The following MAP4K5 variants were observed in gnomAD, a reference collection of about 807,000 sequenced individuals.
MAP4K5 encodes the protein mitogen-activated protein kinase kinase kinase kinase 5.
A neutral mutation model predicts 135.6 loss-of-function variants in MAP4K5; 82 were observed. The ratio of observed to expected loss-of-function variants is 0.60; its 90% CI spans 0.51 to 0.73. The LOEUF is 0.73. Ranked by LOEUF, MAP4K5 falls within the 30% of genes least tolerant of loss-of-function variation. The probability of loss-of-function intolerance (pLI) is 0.00; values close to 1 mark genes in which losing one functional copy is unlikely to be tolerated. For synonymous variants in MAP4K5, 347 were observed against 335.0 expected, an observed-to-expected ratio of 1.04 and a Z score of -0.39; for missense variants, 907 against 1,010.9, an observed-to-expected ratio of 0.90 and a Z score of 1.39.
At position 50,504,859 on chromosome 14, in the gene MAP4K5, TA is replaced by T; in HGVS notation, c.109-3del. ...CTCTCCTGTGTGTACATTTCTGGCCTAAAAATAAAATAAAAACAAAAATCTT... is the reference window on the plus strand; with the variant it reads ...CTCTCCTGTGTGTACATTTCTGGCCTAAAATAAAATAAAAACAAAAATCTT... On this transcript the variant is annotated splice_region_variant and splice_polypyrimidine_tract_variant and intron_variant, in intron 2 of 32. Transcript: ENST00000682126. 2 of 1,529,052 alleles carry T rather than the reference TA, an allele frequency of 1.3e-6. No individual in the cohort carries two copies. Among genetic ancestry groups the T allele is most frequent in the African/African-American group, 1.4e-5 (1 of 71,630 alleles). The allele number at this position is 1,529,052 out of a possible 1,614,324, so 94.7% of individuals were successfully genotyped here.
At chr14:50,491,322 C>T (rs1470667268) in intron 3 of MAP4K5, among the ~76,000 whole-genome samples, 1 of 150,484 alleles carries the variant, frequency 6.6e-6, no homozygotes, top group Non-Finnish European at 1.5e-5. Context: ...TCTATTATCT[C>T]TCTTTTTTTT....
At position 50,507,550 on chromosome 14, in the gene MAP4K5, T is replaced by C. The variant is rs1566684869; in HGVS notation, c.109-2693A>G. Among the ~76,000 whole-genome samples the C allele has an allele frequency of 2.6e-5, 4 of 152,378 alleles. No individual in the cohort carries two copies. In the South Asian group the frequency reaches 8.3e-4, roughly 32 times the overall value. On this transcript the variant is annotated intron_variant, in intron 2 of 32. Transcript: ENST00000682126. The stretch of plus-strand genomic sequence containing the variant: ...CCCAGAGATTCTGGTATGTTGTGTC[T>C]TTGTTCTCATTGGTTTCAAAGAACA...
At chr14:50,468,851 T>C (rs1337814044) in intron 9 of MAP4K5, 69 bp from the exon 10 acceptor site, 1 of 1,432,690 alleles carries the variant, frequency 7.0e-7, no homozygotes, top group Non-Finnish European at 9.6e-7. Flanking sequence ...CTTCCTGTTA[T>C]AATCACCAGA....
chr14:50,507,571 G>T (rs2037837291), intron 2 of MAP4K5, among the ~76,000 whole-genome samples: 1 of 152,178 alleles, frequency 6.6e-6, no homozygotes, highest in South Asian at 2.1e-4. Context: ...TGGTTTCAAA[G>T]AACATCTTTA....
At chr14:50,472,727 A>AT (rs1327686076) in intron 9 of MAP4K5, 1 of 152,212 alleles carries the variant, frequency 6.6e-6, no homozygotes, top group East Asian at 1.9e-4. Flanking sequence ...ACATGTGCAC[A>AT]TTGGAGATGA....
chr14:50,458,051 A>G (rs1442927392), intron 13 of MAP4K5, among the ~76,000 whole-genome samples: 1 of 152,142 alleles, frequency 6.6e-6, no homozygotes, highest in Non-Finnish European at 1.5e-5. Flanking sequence ...CTGAGCTCCG[A>G]CTTTGCCCAC....
intron 2 of MAP4K5, among the ~76,000 whole-genome samples, chr14:50,517,896 A>G (rs936525412): frequency 1.3e-5 from 2 of 152,236 alleles, no homozygotes; most frequent in African/African-American, 4.8e-5. Flanking sequence ...TCATTTTGGG[A>G]AAAAGAAAGG....
At chr14:50,543,476 T>G (rs540029008) in intron 1 of MAP4K5, among the ~76,000 whole-genome samples, 12 of 152,348 alleles carry the variant, frequency 7.9e-5, no homozygotes, top group African/African-American at 2.9e-4. Context: ...GAATGCCTTG[T>G]TTTATCACCA....
At chr14:50,522,206 C>T (rs1050343803) in intron 2 of MAP4K5, among the ~76,000 whole-genome samples, 2 of 151,902 alleles carry the variant, frequency 1.3e-5, no homozygotes, top group Non-Finnish European at 1.5e-5. Flanking sequence ...AACTAGAATA[C>T]TAGATGAATA....
chr14:50,451,310 A>T (rs1269255181), intron 14 of MAP4K5, among the ~76,000 whole-genome samples: 1 of 152,186 alleles, frequency 6.6e-6, no homozygotes, highest in Non-Finnish European at 1.5e-5. Context: ...GTGGGAGTAC[A>T]AAGCCTCCAC....
chr14:50,422,140 C>T (rs2035748696), intron 32 of MAP4K5, among the ~76,000 whole-genome samples: 1 of 152,150 alleles, frequency 6.6e-6, no homozygotes, highest in African/African-American at 2.4e-5. Context: ...AGCCACTGTG[C>T]CCGGCCCACA....
intron 13 of MAP4K5, among the ~76,000 whole-genome samples, chr14:50,459,295 C>A (rs2036659006): frequency 6.6e-6 from 1 of 152,124 alleles, no homozygotes; most frequent in African/African-American, 2.4e-5. Flanking sequence ...GTAAATATAT[C>A]CATCCAACTG....
At chr14:50,480,023 T>C (rs546192301) in intron 6 of MAP4K5, among the ~76,000 whole-genome samples, 1 of 152,330 alleles carries the variant, frequency 6.6e-6, no homozygotes, top group South Asian at 2.1e-4. Flanking sequence ...GCCTACTTTA[T>C]TTGATTGTTT....
chr14:50,525,843 C>A (rs1811294894), intron 2 of MAP4K5, among the ~76,000 whole-genome samples: 1 of 151,886 alleles, frequency 6.6e-6, no homozygotes, highest in Non-Finnish European at 1.5e-5. Context: ...GACCCTGTCT[C>A]AAAAAAATAA....
chr14:50,515,088 C>G (rs1216612194), intron 2 of MAP4K5, among the ~76,000 whole-genome samples: 9 of 151,910 alleles, frequency 5.9e-5, no homozygotes, highest in Non-Finnish European at 8.8e-5. Context: ...ATTTTTAGTA[C>G]AGACGAGGTT....
chr14:50,519,774 G>C (rs2140084732), intron 2 of MAP4K5, among the ~76,000 whole-genome samples: 1 of 152,222 alleles, frequency 6.6e-6, no homozygotes, highest in South Asian at 2.1e-4. Context: ...AGAAGAGAGA[G>C]ACAAACATAT....
intron 2 of MAP4K5, among the ~76,000 whole-genome samples, chr14:50,516,651 C>G (rs979670083): frequency 6.6e-6 from 1 of 152,216 alleles, no homozygotes; most frequent in Non-Finnish European, 1.5e-5. Context: ...CCAATCCAAT[C>G]TCTCTTTTAA....
intron 31 of MAP4K5, among the ~76,000 whole-genome samples, chr14:50,424,325 T>G (rs1363250050): frequency 6.6e-6 from 1 of 152,302 alleles, no homozygotes; most frequent in Middle Eastern, 3.4e-3. Flanking sequence ...GTGCCTGGAA[T>G]GACTGAGTAT....
At chr14:50,528,663 C>A (rs1466594805) in intron 2 of MAP4K5, among the ~76,000 whole-genome samples, 2 of 152,114 alleles carry the variant, frequency 1.3e-5, no homozygotes, top group African/African-American at 4.8e-5. Flanking sequence ...TTCAAGGCTG[C>A]AGTGAGCTGA....
Sources: gnomAD v4.1 joint callset for allele counts (sites outside exome capture counted in the v4.1 genomes callset) on GRCh38, gnomAD v4.1.1 for gene constraint, MANE v1.5 for transcripts, NCBI Gene and HGNC (gene_info 2026-07-23, HGNC 2026-07-21) for gene names.